Variants in SNTG2 observed in about 807,000 individuals in gnomAD.
SNTG2 encodes syntrophin gamma 2.
Under a neutral mutation model 70.9 loss-of-function variants are expected in SNTG2, and 74 were observed. The observed-to-expected ratio is 1.04, with a 90% CI of 0.86 to 1.27. SNTG2 has a LOEUF of 1.27. SNTG2 is among the 50% of genes most tolerant of loss of function. The probability of loss-of-function intolerance (pLI) is 0.00; values close to 1 mark genes in which losing one functional copy is unlikely to be tolerated. For synonymous variants in SNTG2, 278 were observed against 273.8 expected, an observed-to-expected ratio of 1.02 and a Z score of -0.15; for missense variants, 717 against 690.7, an observed-to-expected ratio of 1.04 and a Z score of -0.43.
At chr2:1,157,622 T>C (rs1207694991) in intron 6 of SNTG2, among the ~76,000 whole-genome samples, 1 of 152,230 alleles carries the variant, frequency 6.6e-6, no homozygotes, top group Non-Finnish European at 1.5e-5. Flanking sequence ...AATGAAGAGT[T>C]TCATAGGCTA....
At chr2:1,284,832 A>G (rs1288262569) in intron 14 of SNTG2, among the ~76,000 whole-genome samples, 1 of 152,140 alleles carries the variant, frequency 6.6e-6, no homozygotes, top group Non-Finnish European at 1.5e-5. Context: ...CATTTATTGC[A>G]CATAGGCTGT....
chr2:1,270,292 C>A (rs770900106), intron 14 of SNTG2, among the ~76,000 whole-genome samples: 4 of 152,132 alleles, frequency 2.6e-5, no homozygotes, highest in Non-Finnish European at 4.4e-5. Flanking sequence ...TCCAAAACTC[C>A]ATTACATAAA....
At chr2:1,314,651 C>T (rs1681184304) in intron 15 of SNTG2, among the ~76,000 whole-genome samples, 1 of 152,222 alleles carries the variant, frequency 6.6e-6, no homozygotes, top group South Asian at 2.1e-4. Flanking sequence ...ACATGCTTCA[C>T]TTCTGGAATT....
At chr2:1,364,862 G>A (rs567814562) in intron 16 of SNTG2, among the ~76,000 whole-genome samples, 254 of 152,082 alleles carry the variant, frequency 1.7e-3, no homozygotes, top group African/African-American at 5.3e-3. Context: ...GTGAGTGGAG[G>A]TTGTGCCACT....
intron 1 of SNTG2, among the ~76,000 whole-genome samples, chr2:967,716 C>G (rs1202377076): frequency 6.6e-6 from 1 of 152,154 alleles, no homozygotes; most frequent in Non-Finnish European, 1.5e-5. Flanking sequence ...TAATCCTGGC[C>G]TGTCCATACG....
intron 1 of SNTG2, among the ~76,000 whole-genome samples, chr2:1,020,120 C>G (rs977614874): frequency 1.3e-5 from 2 of 152,204 alleles, no homozygotes; most frequent in African/African-American, 4.8e-5. Flanking sequence ...AGGCATGAAT[C>G]TCTTCTGATA....
chr2:1,351,742 T>C lies in SNTG2; in HGVS notation c.1489-15601T>C, dbSNP rs75799498. Among the ~76,000 whole-genome samples the C allele has an allele frequency of 1.7e-3, 258 of 152,322 alleles. 1 individual carries two copies. The highest frequency in any genetic ancestry group is 6.8e-3 in the Middle Eastern group (2 of 294). On this transcript the variant is annotated intron_variant, in intron 16 of 16. Coordinates refer to ENST00000308624, the MANE Select transcript of SNTG2 (RefSeq NM_018968.4). ...CCTGCTCATTTACACTGTTTACCAT[T>C]GAAGCCTTCATCCCACTGCTCTGAA...
chr2:964,981 A>G (rs1325960606), intron 1 of SNTG2, among the ~76,000 whole-genome samples: 1 of 92,126 alleles, frequency 1.1e-5, no homozygotes, highest in East Asian at 2.2e-4. Flanking sequence ...CCCTCAGTCC[A>G]CCTCCTTGGC....
In SNTG2 at chr2:1,337,148, G is replaced by A. The variant is rs866633979; in HGVS notation, c.1488+20773G>A. On this transcript the variant is annotated intron_variant, in intron 16 of 16. Coordinates refer to ENST00000308624, the MANE Select transcript of SNTG2 (RefSeq NM_018968.4). Reference sequence around the variant, plus strand: ...TGGCTCTTGTGAATAATGCTACTGTGAACACAGGTGCTCAAATATCTGCTT... The same window carrying A: ...TGGCTCTTGTGAATAATGCTACTGTAAACACAGGTGCTCAAATATCTGCTT... 1.6e-4 allele frequency among the ~76,000 whole-genome samples: 25 copies of A among 152,152 alleles called. 1 individual carries two copies. The highest frequency in any genetic ancestry group is 9.8e-4 in the Admixed American group (15 of 15,276).
At chr2:1,197,493 G>GTGTATATATATATGTGTATATA (rs1672984390) in intron 8 of SNTG2, among the ~76,000 whole-genome samples, 1 of 92,538 alleles carries the variant, frequency 1.1e-5, no homozygotes, top group African/African-American at 3.4e-5. Context: ...ATATGTGTAT[G>GTGTATATATATATGTGTATATA]TATATATGTG....
chr2:1,187,064 C>T (rs1672294808), intron 8 of SNTG2, among the ~76,000 whole-genome samples: 1 of 152,082 alleles, frequency 6.6e-6, no homozygotes, highest in East Asian at 1.9e-4. Context: ...ACATGCTCAC[C>T]CATCAAGGTG....
chr2:1,307,437 G>C (rs991592105), intron 14 of SNTG2, among the ~76,000 whole-genome samples: 9 of 104,578 alleles, frequency 8.6e-5, no homozygotes, highest in African/African-American at 2.7e-4. Context: ...GCCGTGTACT[G>C]TGTGTGTGTG....
At chr2:1,072,683 A>G (rs1342438342) in intron 1 of SNTG2, among the ~76,000 whole-genome samples, 2 of 152,166 alleles carry the variant, frequency 1.3e-5, no homozygotes, top group Non-Finnish European at 2.9e-5. Flanking sequence ...GTTGACTTCA[A>G]GTTTTATTAT....
At chr2:1,295,310 C>T (rs370236471) in intron 14 of SNTG2, among the ~76,000 whole-genome samples, 1 of 152,190 alleles carries the variant, frequency 6.6e-6, no homozygotes, top group East Asian at 1.9e-4. Context: ...GTCTTCTCCC[C>T]GTTCACTCTG....
intron 14 of SNTG2, among the ~76,000 whole-genome samples, chr2:1,286,338 T>C (rs1283524006): frequency 6.6e-6 from 1 of 152,188 alleles, no homozygotes; most frequent in Non-Finnish European, 1.5e-5. Flanking sequence ...GCATACATGG[T>C]CTTCTGGAGA....
At chr2:1,191,008 C>T (rs1672560457) in intron 8 of SNTG2, among the ~76,000 whole-genome samples, 1 of 152,148 alleles carries the variant, frequency 6.6e-6, no homozygotes, top group Non-Finnish European at 1.5e-5. Flanking sequence ...CCTTCAGAGA[C>T]ATGCAGCAAA....
intron 1 of SNTG2, among the ~76,000 whole-genome samples, chr2:1,038,747 G>T (rs961441888): frequency 6.6e-6 from 1 of 152,188 alleles, no homozygotes; most frequent in African/African-American, 2.4e-5. Context: ...AGCATGAAAA[G>T]CCTGGTAAAT....
intron 8 of SNTG2, among the ~76,000 whole-genome samples, chr2:1,191,779 G>A (rs540326077): frequency 6.6e-6 from 1 of 152,264 alleles, no homozygotes; most frequent in East Asian, 1.9e-4. Flanking sequence ...TGGCGACAGA[G>A]CGAGACTCTG....
intron 9 of SNTG2, among the ~76,000 whole-genome samples, chr2:1,226,812 TAGAC>T (rs1292406573): frequency 6.6e-6 from 1 of 152,132 alleles, no homozygotes; most frequent in Non-Finnish European, 1.5e-5. Context: ...TTTATTTTTA[TAGAC>T]AATAAATCTA....
Sources: gnomAD v4.1 joint callset for allele counts (sites outside exome capture counted in the v4.1 genomes callset) on GRCh38, gnomAD v4.1.1 for gene constraint, MANE v1.5 for transcripts, NCBI Gene and HGNC (gene_info 2026-07-23, HGNC 2026-07-21) for gene names.